MALRD1: variants seen among roughly 807,000 people sequenced by gnomAD.
The protein encoded by MALRD1 is MAM and LDL-receptor class A domain-containing protein 1.
MALRD1 carries 247 observed loss-of-function variants against 242.1 expected under a neutral mutation model. The ratio of observed to expected loss-of-function variants is 1.02; its 90% CI spans 0.92 to 1.13. MALRD1 has a LOEUF of 1.13. Among genes scored for constraint, MALRD1 ranks in the 50% most tolerant of loss-of-function variants. The pLI is 0.00. For synonymous variants in MALRD1, 995 were observed against 866.6 expected, an observed-to-expected ratio of 1.15 and a Z score of -2.60; for missense variants, 2,989 against 2,533.1, an observed-to-expected ratio of 1.18 and a Z score of -3.86.
chr10:19,395,910 T>C (rs545127465), intron 28 of MALRD1, among the ~76,000 whole-genome samples: 14 of 152,218 alleles, frequency 9.2e-5, no homozygotes, highest in Non-Finnish European at 1.8e-4. Context: ...ATCTCTTCTG[T>C]CTTGAAGAAA....
chr10:19,371,921 A>G (rs1442419708), intron 26 of MALRD1, among the ~76,000 whole-genome samples: 2 of 152,150 alleles, frequency 1.3e-5, no homozygotes, highest in African/African-American at 4.8e-5. Flanking sequence ...GAGAAAGGTA[A>G]AGGGAATTCC....
intron 18 of MALRD1, among the ~76,000 whole-genome samples, chr10:19,216,738 G>T (rs1465385821): frequency 6.6e-6 from 1 of 151,640 alleles, no homozygotes; most frequent in Non-Finnish European, 1.5e-5. Context: ...GAGGTCAGGA[G>T]ATCGAGACCA....
intron 34 of MALRD1, among the ~76,000 whole-genome samples, chr10:19,599,763 C>T (rs1838266835): frequency 6.6e-6 from 1 of 151,906 alleles, no homozygotes; most frequent in African/African-American, 2.4e-5. Flanking sequence ...GGTTCAGTTG[C>T]CTGAGCCTAG....
intron 21 of MALRD1, among the ~76,000 whole-genome samples, chr10:19,310,128 C>T (rs144732068): frequency 6.6e-6 from 1 of 151,360 alleles, no homozygotes; most frequent in Non-Finnish European, 1.5e-5. Flanking sequence ...GCTAATGGAA[C>T]CTTTACTGAG....
chr10:19,207,203 A>G (rs774599001), intron 17 of MALRD1, among the ~76,000 whole-genome samples: 2 of 152,216 alleles, frequency 1.3e-5, no homozygotes, highest in Non-Finnish European at 2.9e-5. Context: ...CTAACATGTA[A>G]ATGAAGCTAA....
At chr10:19,713,735 G>T (rs545903013) in intron 38 of MALRD1, among the ~76,000 whole-genome samples, 1 of 152,194 alleles carries the variant, frequency 6.6e-6, no homozygotes, top group Non-Finnish European at 1.5e-5. Context: ...TGCAAGGAGA[G>T]AAAGTACTAG....
At chr10:19,120,056 T>C (rs1837007046) in intron 5 of MALRD1, among the ~76,000 whole-genome samples, 1 of 152,006 alleles carries the variant, frequency 6.6e-6, no homozygotes. Flanking sequence ...ATTTTGGGCC[T>C]GAGGTATAAT....
chr10:19,678,892 A>G (rs1014632493), intron 36 of MALRD1, among the ~76,000 whole-genome samples: 2 of 152,166 alleles, frequency 1.3e-5, no homozygotes, highest in Non-Finnish European at 2.9e-5. Flanking sequence ...CCTTTTCTGC[A>G]TCTATTGAGA....
At chr10:19,502,244 A>G (rs1483212550) in intron 31 of MALRD1, among the ~76,000 whole-genome samples, 2 of 151,974 alleles carry the variant, frequency 1.3e-5, no homozygotes, top group African/African-American at 4.8e-5. Context: ...ACTAAATAAT[A>G]AACTTTTCTA....
intron 21 of MALRD1, among the ~76,000 whole-genome samples, chr10:19,303,479 G>T (rs2131963774): frequency 6.6e-6 from 1 of 151,760 alleles, no homozygotes; most frequent in Middle Eastern, 3.4e-3. Context: ...AGGAGAAAAT[G>T]AATAGACAAA....
chr10:19,294,413 T>C (rs1024239162), intron 21 of MALRD1, among the ~76,000 whole-genome samples: 3 of 152,206 alleles, frequency 2.0e-5, no homozygotes, highest in African/African-American at 7.2e-5. Flanking sequence ...TCTTGTGACA[T>C]AGTGATTTAT....
rs1434302479 is a variant in MALRD1, at chr10:19,450,517, T to C, written c.5029+27T>C. The C allele has an allele frequency of 3.3e-6, 5 of 1,526,286 alleles. No homozygotes were observed. The African/African-American group carries it at 4.2e-5, about 13-fold the overall frequency. 94.5% of individuals were successfully genotyped at this position (1,526,286 alleles called of 1,614,324 possible). ...TAAGTTTCCAGAAAGCACTTCCATT[T>C]GGAAGCACATTTTTAATCTAGCCAT... On this transcript the variant is annotated intron_variant, in intron 29 of 39. Transcript: ENST00000454679.
At position 19,595,424 on chromosome 10, in the gene MALRD1, G is replaced by A. The variant is rs544863574; in HGVS notation, c.5911G>A (p.Asp1971Asn). Reference protein sequence around the residue: ...PSLLLCDGVPDCHFNEDELIC... With the variant: ...PSLLLCDGVPNCHFNEDELIC... ...CCTCCTGCTATGCGATGGAGTGCCC[G>A]ACTGCCACTTTAATGAAGATGAGCT... The change falls in exon 34 of 40, where the codon GAC becomes AAC. Residue 1971 changes from aspartate to asparagine, a missense_variant. By Grantham distance (23) the Asp-to-Asn change is conservative. Coordinates refer to ENST00000454679, the MANE Select transcript of MALRD1 (RefSeq NM_001142308.3). 2.6e-5 allele frequency: 40 copies of A among 1,550,070 alleles called. No homozygotes were observed. In the South Asian group the frequency reaches 3.2e-4, roughly 12 times the overall value.
chr10:19,678,790 A>T (rs1478833513), intron 36 of MALRD1, among the ~76,000 whole-genome samples: 2 of 152,190 alleles, frequency 1.3e-5, no homozygotes, highest in East Asian at 1.9e-4. Context: ...TGAGTTTGTC[A>T]TAAATGGCTT....
chr10:19,331,694 A>G (rs1485187978), intron 24 of MALRD1, 112 bp downstream of exon 24: 8 of 806,652 alleles, frequency 9.9e-6, no homozygotes, highest in Non-Finnish European at 1.4e-5. Flanking sequence ...ACACCAGGGG[A>G]AGGTAAGGTG....
At chr10:19,563,582 C>T (rs372268791) in intron 32 of MALRD1, among the ~76,000 whole-genome samples, 26 of 152,248 alleles carry the variant, frequency 1.7e-4, no homozygotes, top group East Asian at 9.6e-4. Flanking sequence ...GAAATGCATG[C>T]GGTGTTTTTC....
At chr10:19,595,071 A>G (rs1838010079) in intron 33 of MALRD1, 123 bp from the exon 34 acceptor site, 5 of 994,632 alleles carry the variant, frequency 5.0e-6, no homozygotes, top group Non-Finnish European at 7.2e-6. Context: ...CTAATTAGAA[A>G]TTAATTTACT....
At chr10:19,319,838 G>C (rs1024786019) in intron 21 of MALRD1, among the ~76,000 whole-genome samples, 1 of 151,890 alleles carries the variant, frequency 6.6e-6, no homozygotes, top group African/African-American at 2.4e-5. Flanking sequence ...TGTGAATTTG[G>C]GGGGAACACA....
intron 31 of MALRD1, among the ~76,000 whole-genome samples, chr10:19,506,762 T>C (rs1055676752): frequency 6.6e-6 from 1 of 152,152 alleles, no homozygotes; most frequent in African/African-American, 2.4e-5. Flanking sequence ...CTGAAGTATT[T>C]AAAGATGGTG....
Sources: allele counts gnomAD v4.1 joint callset (sites outside exome capture counted in the v4.1 genomes callset), GRCh38; gene constraint gnomAD v4.1.1; transcripts MANE v1.5; gene names NCBI Gene and HGNC (gene_info 2026-07-23, HGNC 2026-07-21).